DMD: variants seen among roughly 807,000 people sequenced by gnomAD.
DMD encodes the protein dystrophin.
Under a neutral mutation model 330.1 loss-of-function variants are expected in DMD, and 63 were observed. The observed-to-expected ratio is 0.19, with a 90% confidence interval of 0.16 to 0.24. The LOEUF (loss-of-function observed/expected upper bound fraction) is 0.24. Ranked by LOEUF, DMD falls within the 10% of genes least tolerant of loss-of-function variation. The pLI is 1.00. For synonymous variants in DMD, 1,223 were observed against 959.8 expected, an observed-to-expected ratio of 1.27 and a Z score of -5.07; for missense variants, 3,344 against 2,684.1, an observed-to-expected ratio of 1.25 and a Z score of -5.43.
chrX:31,671,467 C>T (rs73214032), intron 53 of DMD, among the ~76,000 whole-genome samples: 1 of 111,923 alleles, frequency 8.9e-6, no homozygotes, highest in Non-Finnish European at 1.9e-5. Flanking sequence ...TTTTTTGAGG[C>T]GTTTCAAGTC....
At chrX:31,928,588 A>T (rs951310838) in intron 47 of DMD, among the ~76,000 whole-genome samples, 2 of 110,010 alleles carry the variant, frequency 1.8e-5, no homozygotes, top group Non-Finnish European at 3.8e-5. Flanking sequence ...CCTGAGCGAC[A>T]CAGCGAGACT....
intron 44 of DMD, among the ~76,000 whole-genome samples, chrX:32,039,419 T>C (rs1328526007): frequency 3.6e-5 from 4 of 111,592 alleles, no homozygotes; most frequent in Non-Finnish European, 7.5e-5. Flanking sequence ...GTCTTTACCC[T>C]TTCTAAAATG....
At position 32,354,113 on chromosome X, in the gene DMD, C is replaced by A. The variant is rs1016179845; in HGVS notation, c.5326-5585G>T. 5.4e-5 allele frequency among the ~76,000 whole-genome samples: 6 copies of A among 111,238 alleles called. No individual in the cohort carries two copies. In the Admixed American group the frequency reaches 5.7e-4, roughly 11 times the overall value. On this transcript the variant is annotated intron_variant, in intron 37 of 78. Transcript: ENST00000357033. ...AATATTACTTTGGCATGCACAGATA[C>A]ACTAGCATAATAACGACTGTGTTTA...
chrX:32,940,103 C>T (rs554750433), intron 2 of DMD, among the ~76,000 whole-genome samples: 5 of 111,939 alleles, frequency 4.5e-5, no homozygotes, highest in Admixed American at 2.9e-4. Context: ...AGAGGCAGCA[C>T]ATTACCCAAC....
chrX:31,150,870 C>T (rs2037331719), intron 74 of DMD, among the ~76,000 whole-genome samples: 1 of 111,836 alleles, frequency 8.9e-6, no homozygotes, highest in Admixed American at 9.5e-5. Flanking sequence ...TTTTTTCATT[C>T]TACCTAGTAC....
At chrX:32,573,489 C>G in intron 15 of DMD, 41 bp downstream of exon 15, 2 of 1,033,446 alleles carry the variant, frequency 1.9e-6, no homozygotes, top group Non-Finnish European at 2.7e-6. Flanking sequence ...ATATACAGTA[C>G]TGGGTTTTTA....
chrX:31,945,053 T>C (rs2095068035), intron 45 of DMD, among the ~76,000 whole-genome samples: 1 of 111,726 alleles, frequency 9.0e-6, no homozygotes, highest in Non-Finnish European at 1.9e-5. Flanking sequence ...GGCCAATGAC[T>C]ATGAGGGTCA....
At chrX:31,344,858 TACACACACAC>T (rs376996455) in intron 61 of DMD, among the ~76,000 whole-genome samples, 1 of 107,140 alleles carries the variant, frequency 9.3e-6, no homozygotes, top group Non-Finnish European at 1.9e-5. Flanking sequence ...AGAACCTTGA[TACACACACAC>T]ACACACACAC....
At chrX:32,446,639 G>A (rs2098306316) in intron 27 of DMD, among the ~76,000 whole-genome samples, 1 of 110,238 alleles carries the variant, frequency 9.1e-6, no homozygotes, top group East Asian at 2.9e-4. Context: ...AATATTATAT[G>A]AAATAGTTAA....
chrX:32,743,394 C>G (rs1043168042), intron 7 of DMD, among the ~76,000 whole-genome samples: 2 of 111,200 alleles, frequency 1.8e-5, no homozygotes, highest in Non-Finnish European at 3.8e-5. Context: ...AGCATCTCAT[C>G]CCAAATAAAC....
intron 47 of DMD, among the ~76,000 whole-genome samples, chrX:31,896,722 G>T (rs941836448): frequency 1.8e-5 from 2 of 110,899 alleles, no homozygotes; most frequent in Non-Finnish European, 3.8e-5. Flanking sequence ...TATAGGCATT[G>T]CAAATCTCTT....
At chrX:31,198,119 A>G (rs142183071) in intron 67 of DMD, among the ~76,000 whole-genome samples, 4,115 of 110,703 alleles carry the variant, frequency 0.037, 211 homozygotes, top group African/African-American at 0.13. Flanking sequence ...GGGGGATAAA[A>G]AAGGGATGGT....
chrX:32,952,458 G>A (rs1198874051), intron 2 of DMD, among the ~76,000 whole-genome samples: 2 of 111,165 alleles, frequency 1.8e-5, no homozygotes, highest in East Asian at 2.8e-4. Context: ...GCTTACTTTA[G>A]AGCAGTCACA....
Position 32,217,019 on chromosome X carries a change from T to A in DMD, c.6335A>T (p.Asp2112Val). ...TAGCCACTGATTAAATATCTTTATA[T>A]CATAATGAAAACGCCGCCATTTCTC... ...SVEKWRRFHY[D>V]IKIFNQWLTE... Residue 2112 changes from aspartate (D) to valine (V), a missense_variant, in exon 44 of 79, where the codon GAT (aspartate) becomes GTT (valine). Coordinates refer to ENST00000357033, the MANE Select transcript of DMD (RefSeq NM_004006.3). The A allele has an allele frequency of 8.3e-7, 1 of 1,208,879 alleles. No homozygotes were observed. The highest frequency in any genetic ancestry group is 1.1e-6 in the Non-Finnish European group (1 of 893,271).
At chrX:32,242,516 A>AT (rs754376302) in intron 43 of DMD, among the ~76,000 whole-genome samples, 27 of 111,190 alleles carry the variant, frequency 2.4e-4, no homozygotes, top group East Asian at 2.3e-3. Flanking sequence ...CTATATGTCT[A>AT]TTTTTTTTCA....
At chrX:32,021,140 C>G (rs1289665467) in intron 44 of DMD, among the ~76,000 whole-genome samples, 1 of 111,725 alleles carries the variant, frequency 9.0e-6, no homozygotes, top group Non-Finnish European at 1.9e-5. Flanking sequence ...TTGTGATGAA[C>G]AAAAACATAA....
At chrX:32,840,096 G>A (rs1020399881) in intron 4 of DMD, among the ~76,000 whole-genome samples, 3 of 112,149 alleles carry the variant, frequency 2.7e-5, no homozygotes, top group Non-Finnish European at 5.6e-5. Flanking sequence ...TTCTGCATGA[G>A]AATGTCTTGA....
intron 7 of DMD, among the ~76,000 whole-genome samples, chrX:32,759,491 T>A (rs1220013917): frequency 9.0e-6 from 1 of 111,339 alleles, no homozygotes; most frequent in Middle Eastern, 4.2e-3. Flanking sequence ...CTCAGCAATA[T>A]GCGGCACACC....
intron 9 of DMD, among the ~76,000 whole-genome samples, chrX:32,689,724 G>A (rs2063135173): frequency 9.0e-6 from 1 of 110,600 alleles, no homozygotes; most frequent in Non-Finnish European, 1.9e-5. Flanking sequence ...TTTATCCTTG[G>A]GATACAAGGA....
Sources: allele counts gnomAD v4.1 joint callset (sites outside exome capture counted in the v4.1 genomes callset), GRCh38; gene constraint gnomAD v4.1.1; transcripts MANE v1.5; gene names NCBI Gene and HGNC (gene_info 2026-07-23, HGNC 2026-07-21).